The following SIL1 variants were observed in gnomAD, a reference collection of about 807,000 sequenced individuals.
The protein encoded by SIL1 is SIL1 nucleotide exchange factor, also known as nucleotide exchange factor SIL1.
SIL1 carries 40 observed loss-of-function variants against 49.1 expected under a neutral mutation model. That is an observed-to-expected ratio of 0.81 (90% CI 0.63 to 1.06). The LOEUF (loss-of-function observed/expected upper bound fraction) is 1.06, where lower values mean the gene tolerates loss of function less well. Ranked by LOEUF, SIL1 falls within the 50% of genes least tolerant of loss-of-function variation. The pLI is 0.00. For synonymous variants in SIL1, 253 were observed against 250.8 expected, an observed-to-expected ratio of 1.01 and a Z score of -0.08; for missense variants, 500 against 572.6, an observed-to-expected ratio of 0.87 and a Z score of 1.29.
At chr5:139,088,566 A>AAGCTATTCCAGCTGGACTCCC (rs1418681757) in intron 3 of SIL1, among the ~76,000 whole-genome samples, 5 of 152,324 alleles carry the variant, frequency 3.3e-5, no homozygotes, top group African/African-American at 1.2e-4. Flanking sequence ...CCTGGACTCC[A>AAGCTATTCCAGCTGGACTCCC]AGCTATTCCA....
Position 139,167,092 on chromosome 5 carries a change from G to A in SIL1, c.-11+31177C>T, listed in dbSNP as rs368879517. ...CTCCCAAAGTGCTGAGATTACAGGC[G>A]TGAGCCACCGCGCCCAGCCTTTGTC... is the stretch of plus-strand genomic sequence containing the variant. On this transcript the variant is annotated intron_variant, in intron 1 of 9. Coordinates refer to ENST00000394817, the MANE Select transcript of SIL1 (RefSeq NM_022464.5). 2.4e-4 allele frequency among the ~76,000 whole-genome samples: 36 copies of A among 152,256 alleles called. 1 individual carries two copies. The South Asian group carries it at 6.2e-3, about 26-fold the overall frequency.
At chr5:139,014,638 C>T (rs1005056627) in intron 7 of SIL1, among the ~76,000 whole-genome samples, 1 of 152,176 alleles carries the variant, frequency 6.6e-6, no homozygotes. Flanking sequence ...TTCTGCAGTA[C>T]TCAGGATAGC....
intron 6 of SIL1, among the ~76,000 whole-genome samples, chr5:139,024,981 C>CT: frequency 6.6e-6 from 1 of 152,188 alleles, no homozygotes; most frequent in East Asian, 1.9e-4. Flanking sequence ...AGAGATGCCC[C>CT]TTCTCAATGC....
At chr5:139,034,779 T>C (rs1176988214) in intron 5 of SIL1, among the ~76,000 whole-genome samples, 1 of 152,242 alleles carries the variant, frequency 6.6e-6, no homozygotes, top group Admixed American at 6.5e-5. Context: ...TTTAGGTATA[T>C]ACCCAGTAAT....
intron 3 of SIL1, among the ~76,000 whole-genome samples, chr5:139,060,928 A>G (rs1477127650): frequency 6.6e-6 from 1 of 152,164 alleles, no homozygotes; most frequent in Non-Finnish European, 1.5e-5. Context: ...CAGGTAAGAA[A>G]TAGTGATCAG....
chr5:139,169,287 A>C (rs976364766), intron 1 of SIL1, among the ~76,000 whole-genome samples: 1 of 152,228 alleles, frequency 6.6e-6, no homozygotes, highest in African/African-American at 2.4e-5. Flanking sequence ...GCTGATCCTC[A>C]GCACACAAAG....
At chr5:139,191,655 G>T (rs1338402258) in intron 1 of SIL1, among the ~76,000 whole-genome samples, 2 of 152,068 alleles carry the variant, frequency 1.3e-5, no homozygotes, top group Non-Finnish European at 2.9e-5. Context: ...GCCAGGCATG[G>T]TGGTGCACAC....
At position 139,160,179 on chromosome 5, in the gene SIL1, A is replaced by T. The variant is rs1008713198; in HGVS notation, c.-10-32326T>A. Among the ~76,000 whole-genome samples the T allele has an allele frequency of 2.0e-5, 3 of 150,046 alleles. No individual in the cohort carries two copies. The East Asian group carries it at 5.8e-4, about 29-fold the overall frequency. On this transcript the variant is annotated intron_variant, in intron 1 of 9. Transcript: ENST00000394817. ...CACACACACACACACACACACACAC[A>T]CACACACAAAAGTTATAGCCTGGAG... is the stretch of plus-strand genomic sequence containing the variant.
At chr5:139,177,446 G>A (rs751012022) in intron 1 of SIL1, among the ~76,000 whole-genome samples, 1 of 151,364 alleles carries the variant, frequency 6.6e-6, no homozygotes, top group Non-Finnish European at 1.5e-5. Flanking sequence ...CATCATGTTG[G>A]TCAGGCTGGT....
intron 7 of SIL1, among the ~76,000 whole-genome samples, chr5:139,008,440 G>A (rs950129076): frequency 1.7e-5 from 2 of 120,202 alleles, no homozygotes; most frequent in Non-Finnish European, 3.4e-5. Flanking sequence ...TTTTTGAAGG[G>A]TTTTTTGTGT....
At chr5:139,096,173 G>A (rs1561860251) in intron 3 of SIL1, among the ~76,000 whole-genome samples, 1 of 152,134 alleles carries the variant, frequency 6.6e-6, no homozygotes, top group Non-Finnish European at 1.5e-5. Context: ...ACTCCACACT[G>A]TCCTATTAGA....
chr5:138,961,025 C>T (rs1005616089), intron 7 of SIL1, among the ~76,000 whole-genome samples: 2 of 152,076 alleles, frequency 1.3e-5, no homozygotes, highest in African/African-American at 2.4e-5. Flanking sequence ...ATGTGTTAAA[C>T]TTTTCTATAT....
At chr5:139,081,763 C>T (rs559211866) in intron 3 of SIL1, among the ~76,000 whole-genome samples, 1 of 152,202 alleles carries the variant, frequency 6.6e-6, no homozygotes, top group Admixed American at 6.5e-5. Flanking sequence ...CCTGTAATCC[C>T]AGCTACTCAG....
intron 7 of SIL1, among the ~76,000 whole-genome samples, chr5:138,992,187 C>T (rs1425545613): frequency 6.6e-6 from 1 of 152,228 alleles, no homozygotes; most frequent in Non-Finnish European, 1.5e-5. Context: ...CCCTCCCTAT[C>T]ATTACCTATA....
At position 139,039,810 on chromosome 5, in the gene SIL1, C is replaced by G. The variant is rs141882709; in HGVS notation, c.453+2810G>C. 4.9e-3 allele frequency among the ~76,000 whole-genome samples: 745 copies of G among 152,226 alleles called. 3 individuals are homozygous for G. The highest frequency in any genetic ancestry group is 6.8e-3 in the Middle Eastern group (2 of 294). ...TTTGTAGAATACAGGTGAACAATAG[C>G]AGACATAATAAAACATAAAAGCATC... is the stretch of plus-strand genomic sequence containing the variant. On this transcript the variant is annotated intron_variant, in intron 5 of 9. Coordinates refer to ENST00000394817, the MANE Select transcript of SIL1 (RefSeq NM_022464.5).
intron 1 of SIL1, among the ~76,000 whole-genome samples, chr5:139,158,099 T>C (rs1007561455): frequency 6.6e-6 from 1 of 152,184 alleles, no homozygotes; most frequent in South Asian, 2.1e-4. Flanking sequence ...ATTATTCCCC[T>C]ATTACTGATG....
chr5:139,000,359 T>C (rs1369544369), intron 7 of SIL1, among the ~76,000 whole-genome samples: 1 of 152,220 alleles, frequency 6.6e-6, no homozygotes, highest in African/African-American at 2.4e-5. Flanking sequence ...CTACTTGATG[T>C]CAAAACTTAT....
intron 7 of SIL1, among the ~76,000 whole-genome samples, chr5:138,981,630 T>C (rs907668766): frequency 6.6e-6 from 1 of 152,050 alleles, no homozygotes; most frequent in Admixed American, 6.6e-5. Flanking sequence ...CACATGAAAA[T>C]AAAGGCAAGG....
At chr5:138,966,021 C>T (rs1475279498) in intron 7 of SIL1, among the ~76,000 whole-genome samples, 1 of 151,964 alleles carries the variant, frequency 6.6e-6, no homozygotes, top group Non-Finnish European at 1.5e-5. Flanking sequence ...TGTGGTCACC[C>T]TACTTATACA....
Sources: gnomAD v4.1 joint callset for allele counts (sites outside exome capture counted in the v4.1 genomes callset) on GRCh38, gnomAD v4.1.1 for gene constraint, MANE v1.5 for transcripts, NCBI Gene and HGNC (gene_info 2026-07-23, HGNC 2026-07-21) for gene names.